PLEKHH1: variants seen among roughly 807,000 people sequenced by gnomAD.
PLEKHH1 encodes the protein pleckstrin homology, MyTH4 and FERM domain containing H1.
A neutral mutation model predicts 160.0 loss-of-function variants in PLEKHH1; 104 were observed. That is an observed-to-expected ratio of 0.65 (90% confidence interval 0.55 to 0.76). The LOEUF is 0.76. Among genes scored for constraint, PLEKHH1 ranks in the 30% least tolerant of loss-of-function variants. PLEKHH1 has a pLI of 0.00. For synonymous variants in PLEKHH1, 619 were observed against 678.4 expected, an observed-to-expected ratio of 0.91 and a Z score of 1.36; for missense variants, 1,427 against 1,724.1, an observed-to-expected ratio of 0.83 and a Z score of 3.05.
chr14:67,546,295 A>G (rs886219399), intron 2 of PLEKHH1, among the ~76,000 whole-genome samples: 1 of 152,182 alleles, frequency 6.6e-6, no homozygotes, highest in African/African-American at 2.4e-5. Context: ...ATGTGACAAA[A>G]ATTAAGGGTT....
At chr14:67,535,370 CTTTTTTTTT>C (rs71129833) in intron 1 of PLEKHH1, among the ~76,000 whole-genome samples, 9 of 74,228 alleles carry the variant, frequency 1.2e-4, no homozygotes, top group African/African-American at 5.4e-4. Flanking sequence ...GTGAGCACAT[CTTTTTTTTT>C]TTTTTTTTTT....
intron 23 of PLEKHH1, 59 bp downstream of exon 23, chr14:67,581,097 C>G (rs534292770): frequency 9.5e-7 from 1 of 1,048,728 alleles, no homozygotes; most frequent in Non-Finnish European, 1.5e-6. Flanking sequence ...GGTGCCAGCT[C>G]ATCGCCTCCT....
intron 26 of PLEKHH1, 106 bp from the exon 27 acceptor site, chr14:67,585,462 A>G (rs915268096): frequency 1.4e-6 from 1 of 721,512 alleles, no homozygotes; most frequent in Non-Finnish European, 2.4e-6. Context: ...GTGGCTGGAA[A>G]TCACTGCTTA....
At chr14:67,534,835 C>A (rs909222553) in intron 1 of PLEKHH1, among the ~76,000 whole-genome samples, 2 of 152,056 alleles carry the variant, frequency 1.3e-5, no homozygotes, top group East Asian at 1.9e-4. Context: ...AAGTGTACAT[C>A]ATTTACCCCT....
At chr14:67,536,983 T>C (rs562991708) in intron 1 of PLEKHH1, among the ~76,000 whole-genome samples, 1 of 136,586 alleles carries the variant, frequency 7.3e-6, no homozygotes, top group Non-Finnish European at 1.6e-5. Flanking sequence ...GAGGTTGCAG[T>C]GAGCCGAGAT....
At position 67,562,459 on chromosome 14, in the gene PLEKHH1, A is replaced by C; in HGVS notation, c.828A>C (p.Arg276Ser). The C allele has an allele frequency of 6.2e-7, 1 of 1,613,808 alleles. No individual in the cohort carries two copies. Among genetic ancestry groups the C allele is most frequent in the South Asian group, 1.1e-5 (1 of 91,068 alleles). Residue 276 changes from arginine to serine, a missense_variant, in exon 7 of 29, where the codon AGA (arginine) becomes AGC (serine). Arg to Ser is a moderately radical substitution (Grantham distance 110). Around this residue, in one of 6 missense-constraint regions of PLEKHH1, gnomAD observed 831 missense variants for 929.2 expected, o/e 0.89. Coordinates refer to ENST00000329153, the MANE Select transcript of PLEKHH1 (RefSeq NM_020715.3). ...CATGCATGAAGCTTCTTACCTTCAG[A>C]TGTAGTTCAGCTTCCTGGGGTGAGG... ...HQPCMKLLTF[R>S]CSSASWGEGL...
At position 67,578,593 on chromosome 14, in the gene PLEKHH1, G is replaced by C; in HGVS notation, c.2811G>C (p.Trp937Cys). 1.2e-6 allele frequency: 2 copies of C among 1,611,874 alleles called. No individual in the cohort carries two copies. Among genetic ancestry groups the C allele is most frequent in the Non-Finnish European group, 1.7e-6 (2 of 1,179,096 alleles). ...TCCTGCCTCAGCATCACTTCCTCTG[G>C]TATGTCAAGCAGCAGCTCCAACGCC... ...PLFLPQHHFL[W>C]YVKQQLQRHA... Residue 937 changes from tryptophan to cysteine, a missense_variant, in exon 20 of 29, where the codon TGG (tryptophan) becomes TGC (cysteine). By Grantham distance (215) the Trp-to-Cys change is radical (BLOSUM62 -2). Around this residue, in one of 6 missense-constraint regions of PLEKHH1, gnomAD observed 436 missense variants for 607.5 expected, o/e 0.72. Coordinates refer to ENST00000329153, the MANE Select transcript of PLEKHH1 (RefSeq NM_020715.3). The surrounding 1 kb of genome is among the most constrained non-coding windows in gnomAD (Gnocchi z 5.0).
intron 11 of PLEKHH1, among the ~76,000 whole-genome samples, chr14:67,572,593 G>A (rs1594779371): frequency 6.8e-6 from 1 of 147,156 alleles, no homozygotes; most frequent in Non-Finnish European, 1.5e-5. Flanking sequence ...GAATACTAAC[G>A]CAAGCTAACA....
intron 14 of PLEKHH1, 41 bp from the exon 15 acceptor site, chr14:67,575,351 T>C: frequency 8.3e-7 from 1 of 1,206,362 alleles, no homozygotes; most frequent in Middle Eastern, 1.9e-4. Flanking sequence ...ACTTCTAGAG[T>C]TACCTAGTTC....
intron 4 of PLEKHH1, 82 bp downstream of exon 4, chr14:67,557,500 C>G: frequency 7.3e-7 from 1 of 1,372,380 alleles, no homozygotes; most frequent in Non-Finnish European, 1.0e-6. Context: ...CTGTTCCGCT[C>G]AAGCCCTCTA....
chr14:67,579,632 T>C (rs2035795529), intron 21 of PLEKHH1, 89 bp from the exon 22 acceptor site: 2 of 1,333,084 alleles, frequency 1.5e-6, no homozygotes, highest in Non-Finnish European at 2.1e-6. Flanking sequence ...CTTGCTCCTT[T>C]CCACCTGCTG....
At position 67,570,028 on chromosome 14, in the gene PLEKHH1, A is replaced by C. The variant is rs773200744; in HGVS notation, c.1434+16A>C. Reference sequence around the variant, plus strand: ...ACTGAAGGGGGTAAGAAACTGCTGCACAAAGAGGGGGTGTCTCATCAGGAA... The same window carrying C: ...ACTGAAGGGGGTAAGAAACTGCTGCCCAAAGAGGGGGTGTCTCATCAGGAA... On this transcript the variant is annotated intron_variant, in intron 9 of 28. Transcript: ENST00000329153. The C allele has an allele frequency of 2.0e-6, 3 of 1,508,456 alleles. No individual in the cohort carries two copies. In the African/African-American group the frequency reaches 4.1e-5, roughly 21 times the overall value. 93.4% of individuals were successfully genotyped at this position (1,508,456 alleles called of 1,614,324 possible). A position where few individuals can be genotyped will look rare whatever the true frequency, so the allele number is the denominator to read the frequency against.
chr14:67,568,691 T>C (rs1594773555), intron 7 of PLEKHH1, among the ~76,000 whole-genome samples: 2 of 152,176 alleles, frequency 1.3e-5, no homozygotes, highest in Admixed American at 6.5e-5. Context: ...AAAAGAGCCC[T>C]TGTCGTGTGG....
At chr14:67,559,397 C>G (rs950055104) in intron 4 of PLEKHH1, among the ~76,000 whole-genome samples, 1 of 152,164 alleles carries the variant, frequency 6.6e-6, no homozygotes, top group African/African-American at 2.4e-5. Context: ...TTCAGCCAAC[C>G]CCTTCGTGGT....
intron 23 of PLEKHH1, among the ~76,000 whole-genome samples, chr14:67,581,262 G>A (rs183739012): frequency 1.5e-4 from 21 of 138,690 alleles, no homozygotes; most frequent in South Asian, 2.6e-4. Context: ...CTGCGTGTGC[G>A]TGTGTGTATA....
At chr14:67,579,526 C>T (rs1594788873) in intron 21 of PLEKHH1, 195 bp from the exon 22 acceptor site, 1 of 652,036 alleles carries the variant, frequency 1.5e-6, no homozygotes, top group African/African-American at 1.8e-5. Context: ...CCAGGTATGC[C>T]CAGTTCATTT....
At position 67,579,185 on chromosome 14, in the gene PLEKHH1, C is replaced by T; in HGVS notation, c.2901C>T (p.Thr967=). Residue 967 remains threonine (T), a synonymous_variant, in exon 21 of 29, where the codon ACC becomes ACT. Transcript: ENST00000329153. ...ATYCQRAVER[T]LRTGEREARP... ...ACTGCCAGCGGGCAGTGGAGCGGAC[C>T]CTGCGGACCGGGGAGCGGGAAGCCA... 1 of 1,609,752 alleles carries T rather than the reference C, an allele frequency of 6.2e-7. No homozygotes were observed. Among genetic ancestry groups the T allele is most frequent in the Non-Finnish European group, 8.5e-7 (1 of 1,178,662 alleles).
In PLEKHH1 at chr14:67,562,246, C is replaced by T. The variant is rs753462684; in HGVS notation, c.615C>T (p.Gly205=). The change falls in exon 7 of 29, where the codon GGC becomes GGT. Residue 205 remains glycine (G), a synonymous_variant. Transcript: ENST00000329153. Reference sequence around the variant, plus strand: ...TCCAGCCTATGGGCCAGGACAGTGGCTCCCAGGCCCAGGGTCTGAAGGCAG... The same window carrying T: ...TCCAGCCTATGGGCCAGGACAGTGGTTCCCAGGCCCAGGGTCTGAAGGCAG... ...PGIQPMGQDS[G]SQAQGLKAAV... 1 of 1,612,738 alleles carries T rather than the reference C, an allele frequency of 6.2e-7. No homozygotes were observed.
At chr14:67,565,663 TG>T (rs1293381176) in intron 7 of PLEKHH1, among the ~76,000 whole-genome samples, 1 of 152,158 alleles carries the variant, frequency 6.6e-6, no homozygotes, top group Non-Finnish European at 1.5e-5. Flanking sequence ...CAGATGCTGC[TG>T]GGGTGTGTAG....
Sources: gnomAD v4.1 joint callset for allele counts (sites outside exome capture counted in the v4.1 genomes callset) on GRCh38, gnomAD v4.1.1 for gene constraint, gnomAD v4.1.1 regional missense constraint, Gnocchi (gnomAD v3.1) non-coding constraint, MANE v1.5 for transcripts, NCBI Gene and HGNC (gene_info 2026-07-23, HGNC 2026-07-21) for gene names.